Variants in STK39 observed in about 807,000 individuals in gnomAD.
STK39 encodes the protein serine/threonine kinase 39, also known as STE20/SPS1-related proline-alanine-rich protein kinase.
A neutral mutation model predicts 77.8 loss-of-function variants in STK39; 20 were observed. The observed-to-expected ratio is 0.26, with a 90% CI of 0.18 to 0.37. The LOEUF (loss-of-function observed/expected upper bound fraction) is 0.37. STK39 is among the 10% of genes least tolerant of loss of function. The pLI, the probability that STK39 is intolerant of heterozygous loss-of-function variation, is 1.00. For synonymous variants in STK39, 246 were observed against 234.1 expected, an observed-to-expected ratio of 1.05 and a Z score of -0.47; for missense variants, 479 against 656.5, an observed-to-expected ratio of 0.73 and a Z score of 2.95.
intron 4 of STK39, 34 bp downstream of exon 4, chr2:168,163,705 C>A: frequency 6.2e-7 from 1 of 1,612,648 alleles, no homozygotes; most frequent in Non-Finnish European, 8.5e-7. Context: ...AAGATATGAA[C>A]ATCTGAATTT....
At chr2:168,054,331 A>C (rs779435272) in intron 14 of STK39, among the ~76,000 whole-genome samples, 12 of 152,240 alleles carry the variant, frequency 7.9e-5, no homozygotes, top group Non-Finnish European at 1.8e-4. Context: ...TAAACAAATT[A>C]TTTCATGACT....
intron 1 of STK39, among the ~76,000 whole-genome samples, chr2:168,230,067 T>C (rs1013757374): frequency 6.6e-6 from 1 of 152,196 alleles, no homozygotes; most frequent in African/African-American, 2.4e-5. Flanking sequence ...AAACAAAAGT[T>C]AGATGAATGA....
At chr2:168,139,408 T>TTATTTATATATATATATATA (rs1553532932) in intron 7 of STK39, among the ~76,000 whole-genome samples, 1 of 144,494 alleles carries the variant, frequency 6.9e-6, no homozygotes, top group Admixed American at 6.9e-5. Context: ...TAAAAAAAAT[T>TTATTTATATATATATATATA]TATATATATA....
intron 14 of STK39, among the ~76,000 whole-genome samples, chr2:168,045,624 G>A (rs1685219716): frequency 6.6e-6 from 1 of 152,176 alleles, no homozygotes; most frequent in Non-Finnish European, 1.5e-5. Flanking sequence ...ACAGAAGAAT[G>A]ACTGTGACAG....
At chr2:168,081,707 T>C (rs1686235885) in intron 10 of STK39, among the ~76,000 whole-genome samples, 1 of 152,122 alleles carries the variant, frequency 6.6e-6, no homozygotes, top group Admixed American at 6.5e-5. Flanking sequence ...TCATCTTGAA[T>C]TGTAACTCCC....
intron 10 of STK39, among the ~76,000 whole-genome samples, chr2:168,127,501 A>AT (rs1435229988): frequency 3.9e-5 from 6 of 152,082 alleles, no homozygotes; most frequent in African/African-American, 1.4e-4. Context: ...CAGATTCTTC[A>AT]TTTTTTCAAA....
chr2:168,151,030 C>T (rs1473417162), intron 5 of STK39, among the ~76,000 whole-genome samples: 1 of 152,066 alleles, frequency 6.6e-6, no homozygotes, highest in Non-Finnish European at 1.5e-5. Context: ...GCTCTATATG[C>T]CATGGGCCCC....
At chr2:168,044,169 G>A (rs1685178990) in intron 14 of STK39, among the ~76,000 whole-genome samples, 2 of 152,258 alleles carry the variant, frequency 1.3e-5, no homozygotes, top group Middle Eastern at 6.8e-3. Context: ...ACTTTTGAGA[G>A]AAAGGGGAAG....
chr2:168,093,904 C>T (rs1451537007), intron 10 of STK39, among the ~76,000 whole-genome samples: 3 of 152,210 alleles, frequency 2.0e-5, no homozygotes, highest in Admixed American at 2.0e-4. Flanking sequence ...GGCTCCTGCC[C>T]ACCTCTGCAT....
intron 16 of STK39, among the ~76,000 whole-genome samples, chr2:167,998,868 T>C (rs1226628983): frequency 6.6e-6 from 1 of 152,326 alleles, no homozygotes; most frequent in East Asian, 1.9e-4. Flanking sequence ...CCTACTCACC[T>C]CAGTCAAACG....
intron 1 of STK39, among the ~76,000 whole-genome samples, chr2:168,218,429 G>T (rs72876964): frequency 6.6e-6 from 1 of 152,156 alleles, no homozygotes; most frequent in Non-Finnish European, 1.5e-5. Flanking sequence ...AATAGTGACC[G>T]TAGGGCACAG....
chr2:168,030,104 G>A (rs911694788), intron 14 of STK39, among the ~76,000 whole-genome samples: 1 of 152,154 alleles, frequency 6.6e-6, no homozygotes, highest in African/African-American at 2.4e-5. Context: ...AGCCAGGTGT[G>A]GTGGCGGGCG....
At chr2:168,027,999 C>T (rs1252563046) in intron 14 of STK39, among the ~76,000 whole-genome samples, 1 of 152,188 alleles carries the variant, frequency 6.6e-6, no homozygotes, top group African/African-American at 2.4e-5. Flanking sequence ...GAGTTTTCAT[C>T]TAGAAGTAAT....
At chr2:168,147,203 T>A (rs1688161974) in intron 5 of STK39, among the ~76,000 whole-genome samples, 1 of 152,378 alleles carries the variant, frequency 6.6e-6, no homozygotes, top group Middle Eastern at 3.4e-3. Context: ...ATTTATATCA[T>A]GAAAACCTAT....
chr2:168,069,439 T>C (rs1685882784), intron 12 of STK39, among the ~76,000 whole-genome samples: 1 of 152,238 alleles, frequency 6.6e-6, no homozygotes, highest in Non-Finnish European at 1.5e-5. Context: ...AACAAAACTT[T>C]TCAATATACC....
At chr2:167,972,308 T>C (rs1489262624) in intron 16 of STK39, among the ~76,000 whole-genome samples, 1 of 152,252 alleles carries the variant, frequency 6.6e-6, no homozygotes, top group African/African-American at 2.4e-5. Context: ...TCTTGAGCTA[T>C]AGTAAATCTG....
chr2:168,158,109 C>T (rs2105575934), intron 5 of STK39, among the ~76,000 whole-genome samples: 1 of 152,272 alleles, frequency 6.6e-6, no homozygotes, highest in South Asian at 2.1e-4. Flanking sequence ...AGATAAAATG[C>T]TATGCCGTGG....
intron 1 of STK39, among the ~76,000 whole-genome samples, chr2:168,184,396 A>G (rs971659541): frequency 6.6e-6 from 1 of 152,248 alleles, no homozygotes; most frequent in African/African-American, 2.4e-5. Context: ...CATTGTCACA[A>G]CATGGATGGA....
chr2:168,128,099 G>A (rs1687592818), intron 10 of STK39, among the ~76,000 whole-genome samples: 1 of 152,164 alleles, frequency 6.6e-6, no homozygotes, highest in African/African-American at 2.4e-5. Context: ...AAGCTGCAGA[G>A]AGAAAGCAGC....
Sources: allele counts gnomAD v4.1 joint callset (sites outside exome capture counted in the v4.1 genomes callset), GRCh38; gene constraint gnomAD v4.1.1; transcripts MANE v1.5; gene names NCBI Gene and HGNC (gene_info 2026-07-23, HGNC 2026-07-21).